The following MAP2 variants were observed in gnomAD, a reference collection of about 807,000 sequenced individuals.
MAP2 encodes microtubule associated protein 2.
In MAP2, 14 loss-of-function variants were observed where a neutral mutation model predicts 137.6. The observed-to-expected ratio is 0.10, with a 90% CI of 0.07 to 0.16. The LOEUF is 0.16. Ranked by LOEUF, MAP2 falls within the 10% of genes least tolerant of loss-of-function variation. MAP2 has a pLI of 1.00. For synonymous variants in MAP2, 786 were observed against 782.3 expected (o/e 1.00, Z -0.08); for missense variants, 2,088 against 2,191.5 (o/e 0.95, Z 0.94).
chr2:209,506,382 AG>A (rs1192221902), intron 1 of MAP2, among the ~76,000 whole-genome samples: 16 of 152,122 alleles, frequency 1.1e-4, no homozygotes, highest in Non-Finnish European at 1.9e-4. Context: ...AGGCTAATTT[AG>A]TTTTTGGGCT....
chr2:209,699,377 G>A (rs2061152994), intron 10 of MAP2, among the ~76,000 whole-genome samples: 1 of 152,108 alleles, frequency 6.6e-6, no homozygotes, highest in Non-Finnish European at 1.5e-5. Flanking sequence ...TTTTATGAAT[G>A]AAAATTAAGG....
At chr2:209,585,249 A>G (rs1477177191) in intron 3 of MAP2, among the ~76,000 whole-genome samples, 1 of 151,836 alleles carries the variant, frequency 6.6e-6, no homozygotes, top group Non-Finnish European at 1.5e-5. Flanking sequence ...AGTTGAATGA[A>G]GAATTAAAAA....
intron 4 of MAP2, among the ~76,000 whole-genome samples, chr2:209,643,951 T>C (rs1305443391): frequency 1.3e-5 from 2 of 152,228 alleles, no homozygotes; most frequent in Non-Finnish European, 1.5e-5. Context: ...TATAGGGATG[T>C]TCCATGTGTG....
chr2:209,517,144 C>G (rs2062625176), intron 2 of MAP2, among the ~76,000 whole-genome samples: 1 of 152,116 alleles, frequency 6.6e-6, no homozygotes, highest in South Asian at 2.1e-4. Flanking sequence ...CCTCTTCCGC[C>G]ATACCTGGAA....
intron 1 of MAP2, among the ~76,000 whole-genome samples, chr2:209,430,123 A>T (rs1270214799): frequency 6.6e-6 from 1 of 150,504 alleles, no homozygotes; most frequent in Non-Finnish European, 1.5e-5. Context: ...CAAGCAAAAA[A>T]GTTTTTAGGA....
At chr2:209,629,233 A>C (rs947775135) in intron 4 of MAP2, among the ~76,000 whole-genome samples, 2 of 152,326 alleles carry the variant, frequency 1.3e-5, no homozygotes, top group South Asian at 2.1e-4. Flanking sequence ...CACATTCAAC[A>C]TAGTTTAGAT....
rs1483887257 is a variant in MAP2 at position 209,731,906 on chromosome 2, T to G, written c.*1509T>G. 6.6e-6 allele frequency: 1 copy of G among 152,220 alleles called. No homozygotes were observed. Among genetic ancestry groups the G allele is most frequent in the Non-Finnish European group, 1.5e-5 (1 of 68,042 alleles). The allele number at this position is 152,220 out of a possible 1,614,324, so 9.4% of individuals were successfully genotyped here. On this transcript the variant is annotated 3_prime_UTR_variant, in exon 16 of 16. Transcript: ENST00000682079. ...AGTAACACACTGTGATCTAGTATTA[T>G]TTATCAGTAGATAATACTGTTCTGA...
chr2:209,660,381 T>G (rs1367614353), intron 5 of MAP2, among the ~76,000 whole-genome samples: 1 of 142,392 alleles, frequency 7.0e-6, no homozygotes. Context: ...TTATTGTTGC[T>G]GCAATTTTTT....
intron 2 of MAP2, among the ~76,000 whole-genome samples, chr2:209,535,974 A>G (rs1477614260): frequency 6.6e-6 from 1 of 152,202 alleles, no homozygotes; most frequent in Non-Finnish European, 1.5e-5. Context: ...ACAGTTGTAA[A>G]CCTAGAATGA....
At chr2:209,548,048 C>A (rs1040802972) in intron 2 of MAP2, among the ~76,000 whole-genome samples, 5 of 152,114 alleles carry the variant, frequency 3.3e-5, no homozygotes, top group Admixed American at 3.3e-4. Context: ...CGATAAAGCA[C>A]CAGAAATAAA....
chr2:209,505,634 G>GAGTTTGAGACCAGCCTGGGGAAC (rs1559249283), intron 1 of MAP2, among the ~76,000 whole-genome samples: 1 of 151,874 alleles, frequency 6.6e-6, no homozygotes, highest in African/African-American at 2.4e-5. Context: ...CTGCCTAATG[G>GAGTTTGAGACCAGCCTGGGGAAC]ATACTGCTGT....
intron 3 of MAP2, among the ~76,000 whole-genome samples, chr2:209,589,623 A>G (rs565925790): frequency 6.6e-6 from 1 of 152,320 alleles, no homozygotes; most frequent in East Asian, 1.9e-4. Flanking sequence ...CTTTACTGAA[A>G]TGGTTTAAAA....
chr2:209,699,508 A>G (rs2061199884), intron 10 of MAP2, among the ~76,000 whole-genome samples: 4 of 152,210 alleles, frequency 2.6e-5, no homozygotes, highest in African/African-American at 9.7e-5. Flanking sequence ...CAGGTAAGTC[A>G]TCAACCAAAA....
At chr2:209,577,053 A>G (rs1258670786) in intron 2 of MAP2, among the ~76,000 whole-genome samples, 1 of 152,200 alleles carries the variant, frequency 6.6e-6, no homozygotes, top group Non-Finnish European at 1.5e-5. Flanking sequence ...AATATGATTC[A>G]TGTTCCCAGA....
At chr2:209,575,245 G>T (rs1324627613) in intron 2 of MAP2, among the ~76,000 whole-genome samples, 1 of 152,036 alleles carries the variant, frequency 6.6e-6, no homozygotes, top group Non-Finnish European at 1.5e-5. Flanking sequence ...AGGAAGGCCG[G>T]GTGCGCTGGC....
At position 209,731,273 on chromosome 2, in the gene MAP2, G is replaced by A. The variant is rs1252803061; in HGVS notation, c.*876G>A. 6.6e-6 allele frequency: 1 copy of A among 151,716 alleles called. No individual in the cohort carries two copies. Among genetic ancestry groups the A allele is most frequent in the Non-Finnish European group, 1.5e-5 (1 of 67,920 alleles). The allele number at this position is 151,716 out of a possible 1,614,324, so 9.4% of individuals were successfully genotyped here. ...GTATCTGTGTCTCCTGCACCCTTTG[G>A]TGTTGCAATTTTAGATATGTGAAAG... is the stretch of plus-strand genomic sequence containing the variant. On this transcript the variant is annotated 3_prime_UTR_variant, in exon 16 of 16. Coordinates refer to ENST00000682079, the MANE Select transcript of MAP2 (RefSeq NM_001375505.1).
chr2:209,476,966 G>C (rs558088790), intron 1 of MAP2, among the ~76,000 whole-genome samples: 47 of 152,176 alleles, frequency 3.1e-4, no homozygotes, highest in African/African-American at 1.1e-3. Flanking sequence ...ACAAAGATTG[G>C]CTGAGCTATT....
At chr2:209,709,274 T>C (rs2153754666) in intron 12 of MAP2, among the ~76,000 whole-genome samples, 1 of 152,172 alleles carries the variant, frequency 6.6e-6, no homozygotes, top group East Asian at 1.9e-4. Context: ...ACAGACTTTT[T>C]TTTTGGTTTG....
intron 14 of MAP2, among the ~76,000 whole-genome samples, chr2:209,726,145 T>C (rs571612920): frequency 1.3e-5 from 2 of 152,068 alleles, no homozygotes; most frequent in East Asian, 1.9e-4. Flanking sequence ...ATTTCCAAGG[T>C]TTTTTTTCCT....
Sources: gnomAD v4.1 joint callset for allele counts (sites outside exome capture counted in the v4.1 genomes callset) on GRCh38, gnomAD v4.1.1 for gene constraint, MANE v1.5 for transcripts, NCBI Gene and HGNC (gene_info 2026-07-23, HGNC 2026-07-21) for gene names.